Variants in UAP1 observed in about 807,000 individuals in gnomAD.
The protein encoded by UAP1 is UDP-N-acetylglucosamine pyrophosphorylase 1.
A neutral mutation model predicts 58.5 loss-of-function variants in UAP1; 25 were observed. The ratio of observed to expected loss-of-function variants is 0.43; its 90% CI spans 0.31 to 0.60. The LOEUF (loss-of-function observed/expected upper bound fraction) is 0.60. Among genes scored for constraint, UAP1 ranks in the 20% least tolerant of loss-of-function variants. The pLI is 0.11. For synonymous variants in UAP1, 208 were observed against 213.0 expected (o/e 0.98, Z 0.21); for missense variants, 575 against 630.0 (o/e 0.91, Z 0.93).
In UAP1 at chr1:162,579,408, A is replaced by T; in HGVS notation, c.486-20A>T. The T allele has an allele frequency of 6.8e-7, 1 of 1,468,160 alleles. No individual in the cohort carries two copies. Among genetic ancestry groups the T allele is most frequent in the Non-Finnish European group, 9.1e-7 (1 of 1,104,284 alleles). The allele number at this position is 1,468,160 out of a possible 1,614,324, so 90.9% of individuals were successfully genotyped here. ...TCCACCTAGCACGGTTGCTTAGAAG[A>T]TCTGATTTTCTCTTGTAAGGTATAT... On this transcript the variant is annotated intron_variant, in intron 3 of 10. Transcript: ENST00000271469.
At chr1:162,591,481 T>G (rs139022823) in intron 8 of UAP1, among the ~76,000 whole-genome samples, 24 of 152,250 alleles carry the variant, frequency 1.6e-4, no homozygotes, top group Non-Finnish European at 2.8e-4. Flanking sequence ...AAATCTGTTT[T>G]TTTGTTTGTT....
At chr1:162,592,411 A>G (rs559227961) in intron 8 of UAP1, among the ~76,000 whole-genome samples, 5 of 152,264 alleles carry the variant, frequency 3.3e-5, no homozygotes, top group Admixed American at 2.0e-4. Flanking sequence ...AAAATGTTAG[A>G]GAACACTGAA....
intron 10 of UAP1, among the ~76,000 whole-genome samples, chr1:162,598,205 A>C (rs1655723630): frequency 6.6e-6 from 1 of 152,148 alleles, no homozygotes; most frequent in Non-Finnish European, 1.5e-5. Flanking sequence ...GTCTTTATAA[A>C]GAAAAAAAAA....
exon 2 of UAP1, chr1:162,566,221 G>A: frequency 6.2e-7 from 1 of 1,614,128 alleles, no homozygotes; most frequent in Non-Finnish European, 8.5e-7. Context: ...TTTTCCAAAA[G>A]GCCATTGAAG....
intron 4 of UAP1, among the ~76,000 whole-genome samples, chr1:162,580,582 G>A (rs962413026): frequency 6.6e-6 from 1 of 152,228 alleles, no homozygotes; most frequent in African/African-American, 2.4e-5. Flanking sequence ...AGGAAAGGCT[G>A]AAAAGAAATT....
At chr1:162,564,696 T>G (rs2101723520) in intron 1 of UAP1, among the ~76,000 whole-genome samples, 1 of 152,324 alleles carries the variant, frequency 6.6e-6, no homozygotes, top group Non-Finnish European at 1.5e-5. Context: ...TGTTTGAGAA[T>G]CTACTGTTCG....
At chr1:162,565,209 A>T (rs530908700) in intron 1 of UAP1, among the ~76,000 whole-genome samples, 1 of 152,254 alleles carries the variant, frequency 6.6e-6, no homozygotes, top group East Asian at 1.9e-4. Flanking sequence ...CTGTTTGTGA[A>T]CTTTCTAGAC....
chr1:162,597,568 A>G, intron 9 of UAP1: 1 of 504,602 alleles, frequency 2.0e-6, no homozygotes, highest in Non-Finnish European at 3.5e-6. Context: ...AAGAGCTACC[A>G]GTAATTATTG....
intron 7 of UAP1, among the ~76,000 whole-genome samples, chr1:162,589,889 T>C (rs1363061026): frequency 6.6e-6 from 1 of 152,158 alleles, no homozygotes; most frequent in African/African-American, 2.4e-5. Flanking sequence ...AGAGAATCTC[T>C]TGAACCCAGG....
At chr1:162,596,072 C>T (rs894096420) in intron 9 of UAP1, among the ~76,000 whole-genome samples, 1 of 151,978 alleles carries the variant, frequency 6.6e-6, no homozygotes, top group East Asian at 1.9e-4. Context: ...AGGCTGGTCT[C>T]GAATTCCTGA....
At chr1:162,569,641 A>G (rs535591101) in intron 2 of UAP1, among the ~76,000 whole-genome samples, 1 of 152,314 alleles carries the variant, frequency 6.6e-6, no homozygotes, top group South Asian at 2.1e-4. Context: ...TTGAACACAG[A>G]TCTACCAATT....
intron 2 of UAP1, among the ~76,000 whole-genome samples, chr1:162,575,671 A>G (rs997137206): frequency 4.1e-5 from 6 of 145,672 alleles, no homozygotes; most frequent in African/African-American, 1.5e-4. Context: ...TCCTGGCTTC[A>G]TGTGATCTGC....
chr1:162,599,505 T>G, exon 11 of UAP1: 2 of 501,880 alleles, frequency 4.0e-6, no homozygotes, highest in Non-Finnish European at 7.0e-6. Flanking sequence ...TTAGAGCTAT[T>G]GCAAACTTCC....
At chr1:162,581,036 A>G (rs1001032753) in intron 4 of UAP1, among the ~76,000 whole-genome samples, 2 of 152,180 alleles carry the variant, frequency 1.3e-5, no homozygotes, top group Admixed American at 6.5e-5. Flanking sequence ...AAAAAGAAAG[A>G]TATGGTTTTT....
In UAP1 at chr1:162,576,759, A is replaced by G. The variant is rs371507649; in HGVS notation, c.281-18A>G. On this transcript the variant is annotated intron_variant, in intron 2 of 10. Transcript: ENST00000271469. ...TTGAATTGTAGAGGTTTTGTGATAC[A>G]AGTGTTTTCTTTTCTAGGACTTTTC... The G allele has an allele frequency of 2.2e-5, 36 of 1,608,890 alleles. No individual in the cohort carries two copies. The highest frequency in any genetic ancestry group is 3.0e-5 in the Non-Finnish European group (35 of 1,176,506).
At chr1:162,595,482 G>A (rs1356373763) in intron 9 of UAP1, among the ~76,000 whole-genome samples, 1 of 152,084 alleles carries the variant, frequency 6.6e-6, no homozygotes, top group African/African-American at 2.4e-5. Context: ...AGAAGGTCTG[G>A]ACTAGACCTC....
Position 162,588,687 on chromosome 1 carries a change from T to G in UAP1, c.1029-6T>G, listed in dbSNP as rs1655065564. The G allele has an allele frequency of 1.2e-5, 19 of 1,597,104 alleles. 1 individual carries two copies. Among genetic ancestry groups the G allele is most frequent in the Middle Eastern group, 1.7e-4 (1 of 5,976 alleles). On this transcript the variant is annotated splice_polypyrimidine_tract_variant and splice_region_variant and intron_variant, in intron 6 of 10. Coordinates refer to ENST00000271469, the Ensembl canonical transcript of UAP1. ...TGATTATATCTTTTCTCCTCCTGCT[T>G]CTTAGTGTTTATGAACCTCAGTTGC... is the stretch of plus-strand genomic sequence containing the variant.
chr1:162,570,220 T>G (rs1240791337), intron 2 of UAP1, among the ~76,000 whole-genome samples: 2 of 152,074 alleles, frequency 1.3e-5, no homozygotes, highest in African/African-American at 4.8e-5. Context: ...AAAATACTAA[T>G]CTCTCTGATT....
intron 9 of UAP1, among the ~76,000 whole-genome samples, chr1:162,594,975 A>G (rs1655533672): frequency 6.6e-6 from 1 of 152,234 alleles, no homozygotes; most frequent in Admixed American, 6.5e-5. Context: ...TATATTATGT[A>G]AAAGAGGGAA....
Sources: allele counts gnomAD v4.1 joint callset (sites outside exome capture counted in the v4.1 genomes callset), GRCh38; gene constraint gnomAD v4.1.1; transcripts MANE v1.5; gene names NCBI Gene and HGNC (gene_info 2026-07-23, HGNC 2026-07-21).